Variants in XKR4 observed in about 807,000 individuals in gnomAD.
The protein encoded by XKR4 is XK-related protein 4.
Under a neutral mutation model 53.9 loss-of-function variants are expected in XKR4, and 12 were observed. The observed-to-expected ratio is 0.22, with a 90% CI of 0.14 to 0.36. The LOEUF (loss-of-function observed/expected upper bound fraction) is 0.36. XKR4 is among the 10% of genes least tolerant of loss of function. The pLI is 1.00. For synonymous variants in XKR4, 354 were observed against 362.4 expected, an observed-to-expected ratio of 0.98 and a Z score of 0.26; for missense variants, 799 against 859.5, an observed-to-expected ratio of 0.93 and a Z score of 0.88.
At chr8:55,330,859 C>T (rs1003136917) in intron 1 of XKR4, among the ~76,000 whole-genome samples, 20 of 152,200 alleles carry the variant, frequency 1.3e-4, no homozygotes, top group African/African-American at 4.8e-4. Context: ...AGTATTGGCT[C>T]ACATGTGACT....
At chr8:55,154,124 A>G (rs1351530687) in intron 1 of XKR4, among the ~76,000 whole-genome samples, 1 of 152,180 alleles carries the variant, frequency 6.6e-6, no homozygotes, top group East Asian at 1.9e-4. Flanking sequence ...CTCCCTATAT[A>G]CATAGGGAAG....
chr8:55,389,939 G>A (rs1037515166), intron 2 of XKR4, among the ~76,000 whole-genome samples: 30 of 152,244 alleles, frequency 2.0e-4, no homozygotes, highest in African/African-American at 7.0e-4. Flanking sequence ...TCACGTCAAT[G>A]TTCCTGCCCA....
intron 1 of XKR4, among the ~76,000 whole-genome samples, chr8:55,221,586 C>T (rs560446537): frequency 3.1e-4 from 47 of 152,252 alleles, no homozygotes; most frequent in African/African-American, 1.1e-3. Flanking sequence ...TCAGACTACA[C>T]GTTGGTGACC....
intron 1 of XKR4, chr8:55,140,234 G>C (rs1358774262): frequency 2.8e-6 from 1 of 351,712 alleles, no homozygotes; most frequent in Non-Finnish European, 5.6e-6. Flanking sequence ...ATAATGATTA[G>C]TTTCAAATCA....
At chr8:55,328,151 C>T (rs1218285125) in intron 1 of XKR4, among the ~76,000 whole-genome samples, 2 of 152,092 alleles carry the variant, frequency 1.3e-5, no homozygotes, top group Non-Finnish European at 2.9e-5. Context: ...CCTCATGATC[C>T]GATTACCTCC....
chr8:55,461,092 T>A (rs1348970082), intron 2 of XKR4, among the ~76,000 whole-genome samples: 1 of 152,224 alleles, frequency 6.6e-6, no homozygotes, highest in Non-Finnish European at 1.5e-5. Context: ...TCTGCAGACT[T>A]AAATGTCCCT....
chr8:55,495,617 C>A (rs1028430979), intron 2 of XKR4, among the ~76,000 whole-genome samples: 1 of 151,224 alleles, frequency 6.6e-6, no homozygotes, highest in East Asian at 1.9e-4. Flanking sequence ...TTGTCTCCTT[C>A]CCCCCCAGGC....
At chr8:55,454,737 C>T (rs1486271227) in intron 2 of XKR4, 5 of 800,814 alleles carry the variant, frequency 6.2e-6, no homozygotes, top group Non-Finnish European at 6.7e-6. Context: ...TCCTGAACAC[C>T]TCCGCATGGT....
intron 2 of XKR4, among the ~76,000 whole-genome samples, chr8:55,437,009 C>T (rs1265865576): frequency 6.6e-6 from 1 of 152,084 alleles, no homozygotes; most frequent in Non-Finnish European, 1.5e-5. Context: ...ATGAAAGGTA[C>T]GGGATTTGCC....
chr8:55,454,233 CCGT>C, intron 2 of XKR4: 1 of 1,142,786 alleles, frequency 8.8e-7, no homozygotes, highest in Non-Finnish European at 1.3e-6. Context: ...GGGATGGTCA[CCGT>C]CTCTCCATCC....
chr8:55,411,917 G>A (rs1268202471), intron 2 of XKR4, among the ~76,000 whole-genome samples: 3 of 152,162 alleles, frequency 2.0e-5, no homozygotes, highest in African/African-American at 4.8e-5. Flanking sequence ...TCCTGAAAAA[G>A]AAAAGCATCC....
At chr8:55,439,035 T>C (rs531859157) in intron 2 of XKR4, among the ~76,000 whole-genome samples, 26 of 152,296 alleles carry the variant, frequency 1.7e-4, no homozygotes, top group Non-Finnish European at 3.2e-4. Context: ...CAGTCTTGCA[T>C]AGGGACCTTG....
In XKR4 at chr8:55,152,759, T is replaced by G. The variant is rs1204960612; in HGVS notation, c.806+49465T>G. On this transcript the variant is annotated intron_variant, in intron 1 of 2. Transcript: ENST00000327381. ...TTTTGCTCTAATACAGTTCAGTCAT[T>G]TCAGTATTCAGATAATAGGAGATGA... 2.0e-5 allele frequency among the ~76,000 whole-genome samples: 3 copies of G among 152,208 alleles called. No individual in the cohort carries two copies. The East Asian group carries it at 5.8e-4, about 29-fold the overall frequency.
At chr8:55,267,621 G>A (rs1818626584) in intron 1 of XKR4, among the ~76,000 whole-genome samples, 1 of 42,918 alleles carries the variant, frequency 2.3e-5, no homozygotes. Context: ...TGTAACCAAA[G>A]TGTTAAGGGT....
At chr8:55,311,026 A>G (rs1819380399) in intron 1 of XKR4, among the ~76,000 whole-genome samples, 1 of 152,194 alleles carries the variant, frequency 6.6e-6, no homozygotes, top group Non-Finnish European at 1.5e-5. Flanking sequence ...CCACACTCGC[A>G]TGAATTCCCA....
intron 1 of XKR4, among the ~76,000 whole-genome samples, chr8:55,286,554 A>C (rs955121025): frequency 2.6e-5 from 4 of 152,178 alleles, no homozygotes; most frequent in Non-Finnish European, 5.9e-5. Flanking sequence ...GTGAGGCAGC[A>C]GTGAGCGTCC....
intron 2 of XKR4, among the ~76,000 whole-genome samples, chr8:55,411,197 CAA>C (rs1356479352): frequency 1.3e-5 from 2 of 152,158 alleles, no homozygotes; most frequent in African/African-American, 4.8e-5. Context: ...GAACAAAGCC[CAA>C]GTCTACCACT....
chr8:55,291,907 T>C (rs879509747), intron 1 of XKR4, among the ~76,000 whole-genome samples: 3 of 152,178 alleles, frequency 2.0e-5, no homozygotes, highest in Non-Finnish European at 4.4e-5. Flanking sequence ...GAATGTAGAA[T>C]TTTGTCAAAT....
rs549964473 is a variant in XKR4 at position 55,135,256 on chromosome 8, A to T, written c.806+31962A>T. 44 of 171,546 alleles carry T rather than the reference A, an allele frequency of 2.6e-4. 1 individual carries two copies. Among genetic ancestry groups the T allele is most frequent in the Middle Eastern group, 5.8e-3 (2 of 344 alleles). The allele number at this position is 171,546 out of a possible 1,614,324, so 10.6% of individuals were successfully genotyped here. ...AATTGAATATATTCTGTTCTATATT[A>T]TTTCTTTTTTATGATAACATACTAA... On this transcript the variant is annotated intron_variant, in intron 1 of 2. Transcript: ENST00000327381.
Sources: allele counts gnomAD v4.1 joint callset (sites outside exome capture counted in the v4.1 genomes callset), GRCh38; gene constraint gnomAD v4.1.1; transcripts MANE v1.5; gene names NCBI Gene and HGNC (gene_info 2026-07-23, HGNC 2026-07-21).